Variants in DPY19L2 observed in about 807,000 individuals in gnomAD.
DPY19L2 encodes the protein probable C-mannosyltransferase DPY19L2.
Under a neutral mutation model 97.9 loss-of-function variants are expected in DPY19L2, and 34 were observed. The observed-to-expected ratio is 0.35, with a 90% CI of 0.26 to 0.46. DPY19L2 has a LOEUF of 0.46. Ranked by LOEUF, DPY19L2 falls within the 20% of genes least tolerant of loss-of-function variation. DPY19L2 has a pLI of 1.00. For synonymous variants in DPY19L2, 230 were observed against 307.9 expected (o/e 0.75, Z 2.65); for missense variants, 623 against 911.4 (o/e 0.68, Z 4.07).
intron 6 of DPY19L2, among the ~76,000 whole-genome samples, chr12:63,633,351 T>A (rs551252548): frequency 3.2e-4 from 49 of 152,024 alleles, no homozygotes; most frequent in Admixed American, 5.2e-4. Context: ...TACAATGAAC[T>A]CAAACAAATT....
chr12:63,569,217 T>C lies in DPY19L2; in HGVS notation c.2126+7A>G. On this transcript the variant is annotated splice_region_variant and intron_variant, in intron 21 of 21. Transcript: ENST00000324472. ...ACCATATCAGATAGCATAGGGTTAATACTCACTTAGTTCTCACAACACACC... is the reference window on the plus strand; with the variant it reads ...ACCATATCAGATAGCATAGGGTTAACACTCACTTAGTTCTCACAACACACC... 3 of 1,593,784 alleles carry C rather than the reference T, an allele frequency of 1.9e-6. No individual in the cohort carries two copies. The highest frequency in any genetic ancestry group is 2.6e-6 in the Non-Finnish European group (3 of 1,172,586).
chr12:63,628,594 A>G (rs1018211463), intron 6 of DPY19L2, among the ~76,000 whole-genome samples: 26 of 152,124 alleles, frequency 1.7e-4, no homozygotes, highest in African/African-American at 3.1e-4. Flanking sequence ...GGAGCCCACC[A>G]CAGCTCAACG....
At chr12:63,564,697 T>C (rs1052348193) in intron 21 of DPY19L2, among the ~76,000 whole-genome samples, 1 of 152,148 alleles carries the variant, frequency 6.6e-6, no homozygotes, top group Non-Finnish European at 1.5e-5. Context: ...ATGTCTATTT[T>C]GCTGTTCTAG....
At chr12:63,635,374 C>G (rs1426766840) in intron 6 of DPY19L2, among the ~76,000 whole-genome samples, 2 of 152,144 alleles carry the variant, frequency 1.3e-5, no homozygotes, top group Non-Finnish European at 2.9e-5. Flanking sequence ...ACCGGAGTGC[C>G]TCTTCTCCTC....
intron 18 of DPY19L2, among the ~76,000 whole-genome samples, chr12:63,581,115 A>T (rs972689307): frequency 6.6e-6 from 1 of 152,186 alleles, no homozygotes; most frequent in Non-Finnish European, 1.5e-5. Context: ...AAATAAACAA[A>T]TCACAACTGT....
intron 16 of DPY19L2, among the ~76,000 whole-genome samples, chr12:63,591,408 C>T (rs1390702071): frequency 1.3e-5 from 2 of 152,032 alleles, no homozygotes; most frequent in Admixed American, 1.3e-4. Flanking sequence ...CTATGCTCAC[C>T]ACCTGGATAC....
At chr12:63,577,727 T>C (rs1880109122) in intron 19 of DPY19L2, among the ~76,000 whole-genome samples, 3 of 152,048 alleles carry the variant, frequency 2.0e-5, no homozygotes, top group African/African-American at 7.2e-5. Flanking sequence ...TACAGTGAAA[T>C]AGCATCTCAC....
In DPY19L2 at chr12:63,650,176, T is replaced by G. The variant is rs181485569; in HGVS notation, c.589-2811A>C. Among the ~76,000 whole-genome samples the G allele has an allele frequency of 4.7e-4, 71 of 152,148 alleles. No homozygotes were observed. In the East Asian group the frequency reaches 0.013, roughly 28 times the overall value. On this transcript the variant is annotated intron_variant, in intron 4 of 21. Coordinates refer to ENST00000324472, the MANE Select transcript of DPY19L2 (RefSeq NM_173812.5). ...GCATTGAAGGAACATACCTCAAAAT[T>G]GTAAGAGCCATCTATGAAAAACCCA...
At chr12:63,662,453 GAT>G (rs1328825827) in intron 3 of DPY19L2, among the ~76,000 whole-genome samples, 4 of 151,360 alleles carry the variant, frequency 2.6e-5, no homozygotes, top group African/African-American at 9.7e-5. Context: ...ACAATTAAAA[GAT>G]ATCTAATATG....
chr12:63,565,299 A>G (rs1592365048), intron 21 of DPY19L2, among the ~76,000 whole-genome samples: 1 of 152,258 alleles, frequency 6.6e-6, no homozygotes, highest in Admixed American at 6.5e-5. Context: ...GGAGCTCGTA[A>G]GTCTAAAATC....
At chr12:63,645,480 C>T (rs1893293192) in intron 5 of DPY19L2, among the ~76,000 whole-genome samples, 1 of 152,052 alleles carries the variant, frequency 6.6e-6, no homozygotes, top group African/African-American at 2.4e-5. Flanking sequence ...ACATTTAATC[C>T]AGAACTTTCT....
Position 63,635,636 on chromosome 12 carries a change from G to A in DPY19L2, c.803+8767C>T, listed in dbSNP as rs530605934. On this transcript the variant is annotated intron_variant, in intron 6 of 21. Transcript: ENST00000324472. ...AACCAAGGCATGAGAACTATGTGAC[G>A]CATGCACAAGCTTCAGTAGCCGATT... Among the ~76,000 whole-genome samples, 3 of 152,244 alleles carry A rather than the reference G, an allele frequency of 2.0e-5. 1 individual carries two copies. The highest frequency in any genetic ancestry group is 7.2e-5 in the African/African-American group (3 of 41,534).
intron 6 of DPY19L2, among the ~76,000 whole-genome samples, chr12:63,628,835 C>A (rs1890063357): frequency 6.6e-6 from 1 of 151,068 alleles, no homozygotes; most frequent in Non-Finnish European, 1.5e-5. Context: ...CAGACTGACA[C>A]CTCACACAGC....
At chr12:63,641,911 T>A (rs1331019141) in intron 6 of DPY19L2, among the ~76,000 whole-genome samples, 5 of 152,162 alleles carry the variant, frequency 3.3e-5, no homozygotes, top group Admixed American at 3.3e-4. Context: ...CCAATTTATA[T>A]GTCCACCTGT....
chr12:63,569,813 A>G (rs189908207), intron 20 of DPY19L2, among the ~76,000 whole-genome samples: 3 of 152,326 alleles, frequency 2.0e-5, no homozygotes, highest in East Asian at 3.9e-4. Context: ...CAGAAGAGGT[A>G]GGAAAAGCAC....
chr12:63,613,961 A>G (rs2878704), intron 11 of DPY19L2, among the ~76,000 whole-genome samples: 92,902 of 151,600 alleles, frequency 0.61, 29,211 homozygotes, highest in African/African-American at 0.74. Context: ...AGGCAGAGGC[A>G]GGCAGATCAC....
chr12:63,591,488 A>G (rs1292339067), intron 16 of DPY19L2, among the ~76,000 whole-genome samples: 1 of 152,158 alleles, frequency 6.6e-6, no homozygotes, highest in East Asian at 1.9e-4. Flanking sequence ...ACTAAAAAAC[A>G]TGTCATTTGA....
intron 6 of DPY19L2, among the ~76,000 whole-genome samples, chr12:63,627,580 C>G (rs561093940): frequency 2.7e-3 from 418 of 152,212 alleles, no homozygotes; most frequent in African/African-American, 9.5e-3. Context: ...AAACTCCTGA[C>G]TTCAAGTGAT....
intron 6 of DPY19L2, 118 bp from the exon 7 acceptor site, chr12:63,626,644 A>T: frequency 7.4e-7 from 1 of 1,342,636 alleles, no homozygotes; most frequent in Admixed American, 2.7e-5. Context: ...TTAAAACATC[A>T]TAGTACTAAA....
Sources: allele counts gnomAD v4.1 joint callset (sites outside exome capture counted in the v4.1 genomes callset), GRCh38; gene constraint gnomAD v4.1.1; transcripts MANE v1.5; gene names NCBI Gene and HGNC (gene_info 2026-07-23, HGNC 2026-07-21).